HAAO: variants seen among roughly 807,000 people sequenced by gnomAD.
HAAO encodes the protein 3-hydroxyanthranilate oxygenase.
Under a neutral mutation model 46.2 loss-of-function variants are expected in HAAO, and 49 were observed. The ratio of observed to expected loss-of-function variants is 1.06; its 90% CI spans 0.84 to 1.34. The LOEUF (loss-of-function observed/expected upper bound fraction) is 1.34. HAAO is among the 40% of genes most tolerant of loss of function. The probability of loss-of-function intolerance (pLI) is 0.00; values close to 1 mark genes in which losing one functional copy is unlikely to be tolerated. For missense variants in HAAO, 408 were observed against 364.5 expected, an observed-to-expected ratio of 1.12 and a Z score of -0.97; for synonymous variants, 157 against 145.2, an observed-to-expected ratio of 1.08 and a Z score of -0.58.
intron 4 of HAAO, 57 bp from the exon 5 acceptor site, chr2:42,770,639 G>A (rs1671043826): frequency 1.8e-6 from 2 of 1,119,716 alleles, no homozygotes; most frequent in Non-Finnish European, 2.6e-6. Context: ...CTTCAGGGCA[G>A]CCCCACTCAG....
intron 2 of HAAO, 41 bp from the exon 3 acceptor site, chr2:42,783,908 C>G (rs781540016): frequency 6.3e-7 from 1 of 1,576,518 alleles, no homozygotes; most frequent in Non-Finnish European, 8.6e-7. Context: ...CGCACTTTCT[C>G]TTCCAGGTCC....
chr2:42,770,778 A>G (rs1671054119), intron 4 of HAAO, among the ~76,000 whole-genome samples, 196 bp from the exon 5 acceptor site: 1 of 152,132 alleles, frequency 6.6e-6, no homozygotes, highest in Non-Finnish European at 1.5e-5. Context: ...TGAGAGGGCT[A>G]CTATCCCGAG....
chr2:42,770,575 C>T lies in HAAO; in HGVS notation c.358G>A (p.Val120Met). The T allele has an allele frequency of 6.4e-7, 1 of 1,550,566 alleles. No homozygotes were observed. The highest frequency in any genetic ancestry group is 8.7e-7 in the Non-Finnish European group (1 of 1,146,156). Residue 120 changes from valine (V) to methionine (M), a missense_variant, in exon 5 of 10, where the codon GTG (valine) becomes ATG (methionine). By Grantham distance (21) the Val-to-Met change is conservative. Coordinates refer to ENST00000294973, the MANE Select transcript of HAAO (RefSeq NM_012205.3). ...AACAGAACGTCCATGGTGTCGCCCA[C>T]ATAGTACCTGCCAGAGCAGAGGACA... is the stretch of plus-strand genomic sequence containing the variant. ...ETELDGLRYYVGDTMDVLFEK... is the reference protein window; with the variant it reads ...ETELDGLRYYMGDTMDVLFEK...
chr2:42,781,375 T>C (rs61596794), intron 4 of HAAO, among the ~76,000 whole-genome samples: 56,957 of 151,624 alleles, frequency 0.38, 11,737 homozygotes, highest in African/African-American at 0.53. Context: ...GTATAGGGTT[T>C]CTGACCTTTG....
chr2:42,769,718 T>G lies in HAAO; in HGVS notation c.625A>C (p.Thr209Pro). Reference protein sequence around the residue: ...PLSLFGDTYETQVIAYGQGSS... With the variant: ...PLSLFGDTYEPQVIAYGQGSS... ...ATGCCCCAGGACTACATTACCTGGGTCTCATAGGTGTCCCCAAACAGGCTG... is the reference window on the plus strand; with the variant it reads ...ATGCCCCAGGACTACATTACCTGGGGCTCATAGGTGTCCCCAAACAGGCTG... The change falls in exon 7 of 10, where the codon ACC becomes CCC. Residue 209 changes from threonine to proline, a missense_variant. Transcript: ENST00000294973. The G allele has an allele frequency of 6.2e-7, 1 of 1,610,096 alleles. No homozygotes were observed. The highest frequency in any genetic ancestry group is 8.5e-7 in the Non-Finnish European group (1 of 1,178,144).
At chr2:42,769,930 C>A in intron 6 of HAAO, 72 bp from the exon 7 acceptor site, 1 of 1,491,354 alleles carries the variant, frequency 6.7e-7, no homozygotes, top group East Asian at 2.3e-5. Context: ...GCCCAGTTCC[C>A]AGGGGCCCCA....
chr2:42,777,821 G>C (rs1438628627), intron 4 of HAAO, among the ~76,000 whole-genome samples: 1 of 151,712 alleles, frequency 6.6e-6, no homozygotes, highest in Non-Finnish European at 1.5e-5. Context: ...AAAAAAAAAG[G>C]TGTGTCCTTT....
In HAAO at chr2:42,788,552, A is replaced by G; in HGVS notation, c.136T>C (p.Tyr46His). The change falls in exon 2 of 10, where the codon TAT (tyrosine) becomes CAT (histidine). Residue 46 changes from tyrosine to histidine, a missense_variant. Coordinates refer to ENST00000294973, the MANE Select transcript of HAAO (RefSeq NM_012205.3). Reference sequence around the variant, plus strand: ...ACCTCTTCACCCTCTTCGATGTGATAGTCCTTCCTGGTGTTGGGGCCTCCG... The same window carrying G: ...ACCTCTTCACCCTCTTCGATGTGATGGTCCTTCCTGGTGTTGGGGCCTCCG... Reference protein sequence around the residue: ...FIGGPNTRKDYHIEEGEEVFY... With the variant: ...FIGGPNTRKDHHIEEGEEVFY... 6.2e-7 allele frequency: 1 copy of G among 1,607,226 alleles called. No individual in the cohort carries two copies. The highest frequency in any genetic ancestry group is 8.5e-7 in the Non-Finnish European group (1 of 1,173,820).
At chr2:42,772,480 CA>C (rs765907105) in intron 4 of HAAO, among the ~76,000 whole-genome samples, 47,495 of 119,198 alleles carry the variant, frequency 0.4, 8,029 homozygotes, top group Admixed American at 0.5. Context: ...GACTCCATCT[CA>C]AAAAAAAAAA....
At chr2:42,788,896 A>T in intron 1 of HAAO, 1 of 397,270 alleles carries the variant, frequency 2.5e-6, no homozygotes, top group Non-Finnish European at 4.7e-6. Context: ...CTATGGCTTC[A>T]TCAACCAGGA....
At chr2:42,769,907 C>A (rs1310881367) in intron 6 of HAAO, 49 bp from the exon 7 acceptor site, 2 of 1,550,956 alleles carry the variant, frequency 1.3e-6, no homozygotes, top group Non-Finnish European at 1.7e-6. Context: ...CCCAGCCCAC[C>A]CAGCCCCAGT....
intron 7 of HAAO, among the ~76,000 whole-genome samples, chr2:42,769,391 C>G (rs1670906971): frequency 6.6e-6 from 1 of 152,212 alleles, no homozygotes; most frequent in Non-Finnish European, 1.5e-5. Context: ...GAGGGGAAAA[C>G]TGCAGACCCT....
chr2:42,773,835 C>T (rs1049329755), intron 4 of HAAO, among the ~76,000 whole-genome samples: 1 of 152,184 alleles, frequency 6.6e-6, no homozygotes, highest in African/African-American at 2.4e-5. Flanking sequence ...CGTGATCCAC[C>T]CGCCTCGGCC....
intron 2 of HAAO, among the ~76,000 whole-genome samples, chr2:42,787,764 T>C (rs1206143213): frequency 6.6e-6 from 1 of 152,178 alleles, no homozygotes; most frequent in Non-Finnish European, 1.5e-5. Context: ...CCTGAGAGGA[T>C]GGGGAGCCCC....
intron 1 of HAAO, 134 bp downstream of exon 1, chr2:42,792,323 C>T (rs1416192300): frequency 7.7e-6 from 4 of 516,490 alleles, no homozygotes; most frequent in Admixed American, 4.0e-5. Context: ...CCATCTTCCC[C>T]CAAGAACCAA....
At position 42,788,604 on chromosome 2, in the gene HAAO, G is replaced by T; in HGVS notation, c.84C>A (p.His28Gln). The stretch of plus-strand genomic sequence containing the variant: ...TGAACATGACTTTGAGCTGCTCCTG[G>T]TGCCTGCAATGCGCAAAGTGGGGGA... ...FQPPVCNKLMHQEQLKVMFIG... is the reference protein window; with the variant it reads ...FQPPVCNKLMQQEQLKVMFIG... The change falls in exon 2 of 10, where the codon CAC becomes CAA. Residue 28 changes from histidine (H) to glutamine (Q), a missense_variant. Transcript: ENST00000294973. The T allele has an allele frequency of 1.3e-6, 2 of 1,568,374 alleles. No individual in the cohort carries two copies. Among genetic ancestry groups the T allele is most frequent in the Non-Finnish European group, 1.8e-6 (2 of 1,139,226 alleles).
intron 2 of HAAO, among the ~76,000 whole-genome samples, chr2:42,786,872 C>G (rs1405501705): frequency 6.6e-6 from 1 of 152,172 alleles, no homozygotes; most frequent in Non-Finnish European, 1.5e-5. Flanking sequence ...GTCTGAGCAA[C>G]TCCCCTTTTC....
chr2:42,788,471 C>G (rs1479098529), intron 2 of HAAO, 58 bp downstream of exon 2: 4 of 1,121,044 alleles, frequency 3.6e-6, no homozygotes, highest in Non-Finnish European at 5.5e-6. Context: ...CGCCCCCTCC[C>G]GCTAGGGCCA....
chr2:42,779,385 G>A (rs554733630), intron 4 of HAAO, among the ~76,000 whole-genome samples: 25 of 151,630 alleles, frequency 1.6e-4, no homozygotes, highest in Admixed American at 2.6e-4. Context: ...GCAGTGGTGC[G>A]ATCTTGGCTC....
Sources: gnomAD v4.1 joint callset for allele counts (sites outside exome capture counted in the v4.1 genomes callset) on GRCh38, gnomAD v4.1.1 for gene constraint, MANE v1.5 for transcripts, NCBI Gene and HGNC (gene_info 2026-07-23, HGNC 2026-07-21) for gene names.